Variants in CNTN6 observed in about 807,000 individuals in gnomAD.
CNTN6 encodes the protein contactin 6.
CNTN6 carries 137 observed loss-of-function variants against 122.8 expected under a neutral mutation model. The ratio of observed to expected loss-of-function variants is 1.12; its 90% CI spans 0.97 to 1.29. The LOEUF (loss-of-function observed/expected upper bound fraction) is 1.29. Ranked by LOEUF, CNTN6 falls within the 50% of genes most tolerant of loss-of-function variation. CNTN6 has a pLI of 0.00. For missense variants in CNTN6, 1,634 were observed against 1,223.4 expected (o/e 1.34, Z -5.01); for synonymous variants, 570 against 426.0 (o/e 1.34, Z -4.16).
intron 4 of CNTN6, among the ~76,000 whole-genome samples, chr3:1,270,666 G>C (rs374511336): frequency 7.2e-5 from 11 of 152,290 alleles, no homozygotes; most frequent in East Asian, 3.9e-4. Context: ...ATTCTCAAAG[G>C]GGGGAAATAG....
intron 4 of CNTN6, among the ~76,000 whole-genome samples, chr3:1,268,649 G>A (rs189186743): frequency 1.3e-5 from 2 of 151,414 alleles, no homozygotes; most frequent in Non-Finnish European, 2.9e-5. Flanking sequence ...GCAGTTCTTG[G>A]AATAAAATTC....
At chr3:1,230,684 G>A (rs758093941) in intron 4 of CNTN6, among the ~76,000 whole-genome samples, 1 of 152,174 alleles carries the variant, frequency 6.6e-6, no homozygotes, top group Non-Finnish European at 1.5e-5. Context: ...GAGGCTCACT[G>A]ATATTGGGGC....
intron 16 of CNTN6, among the ~76,000 whole-genome samples, chr3:1,374,560 G>T (rs1709587350): frequency 6.6e-6 from 1 of 151,960 alleles, no homozygotes. Flanking sequence ...CATTTAACAG[G>T]GGCACTAATT....
At chr3:1,320,231 TG>T (rs1328721879) in intron 7 of CNTN6, among the ~76,000 whole-genome samples, 1 of 151,754 alleles carries the variant, frequency 6.6e-6, no homozygotes, top group Non-Finnish European at 1.5e-5. Context: ...TCACTGTAAT[TG>T]TATGTTAATT....
chr3:1,166,119 GC>G (rs1303003722), intron 2 of CNTN6, among the ~76,000 whole-genome samples: 5 of 152,214 alleles, frequency 3.3e-5, no homozygotes, highest in Non-Finnish European at 7.3e-5. Context: ...GCATGCAGGG[GC>G]AGCTCATTGG....
chr3:1,318,995 G>T (rs947012191), intron 7 of CNTN6, among the ~76,000 whole-genome samples: 1 of 151,546 alleles, frequency 6.6e-6, no homozygotes, highest in Admixed American at 6.6e-5. Context: ...CTAAATAGGA[G>T]ACTCCATTTC....
chr3:1,308,432 GTTAT>G (rs1330864340), intron 7 of CNTN6, among the ~76,000 whole-genome samples: 1 of 151,914 alleles, frequency 6.6e-6, no homozygotes, highest in Non-Finnish European at 1.5e-5. Context: ...ATAGGGTCTT[GTTAT>G]TGAAGAATGA....
chr3:1,289,078 A>G (rs566374841), intron 5 of CNTN6, among the ~76,000 whole-genome samples: 1 of 152,344 alleles, frequency 6.6e-6, no homozygotes, highest in African/African-American at 2.4e-5. Context: ...GGTGGAGAAA[A>G]TATTTAAAAA....
chr3:1,204,509 T>A (rs1204739526), intron 2 of CNTN6, among the ~76,000 whole-genome samples: 2 of 152,148 alleles, frequency 1.3e-5, no homozygotes, highest in African/African-American at 4.8e-5. Context: ...CAAACTGAAA[T>A]ACATACATAC....
At chr3:1,116,359 G>A (rs924082093) in intron 1 of CNTN6, among the ~76,000 whole-genome samples, 7 of 152,250 alleles carry the variant, frequency 4.6e-5, no homozygotes, top group Non-Finnish European at 7.4e-5. Context: ...GTATCAAGAC[G>A]ATTTTATAGA....
At chr3:1,257,467 C>A (rs1029531848) in intron 4 of CNTN6, among the ~76,000 whole-genome samples, 1 of 152,060 alleles carries the variant, frequency 6.6e-6, no homozygotes, top group Non-Finnish European at 1.5e-5. Context: ...CTTATAATTT[C>A]ATTAATTCCT....
intron 2 of CNTN6, among the ~76,000 whole-genome samples, chr3:1,159,991 T>C (rs967225590): frequency 6.6e-6 from 1 of 151,944 alleles, no homozygotes; most frequent in Non-Finnish European, 1.5e-5. Flanking sequence ...TGGCTAATTT[T>C]TGTATTTTTA....
At chr3:1,270,497 C>T (rs1472460873) in intron 4 of CNTN6, among the ~76,000 whole-genome samples, 1 of 152,120 alleles carries the variant, frequency 6.6e-6, no homozygotes, top group Non-Finnish European at 1.5e-5. Context: ...TTTTGCTGGG[C>T]AGAGTACTGG....
Position 1,208,170 on chromosome 3 carries a change from T to C in CNTN6, c.56-12517T>C, listed in dbSNP as rs368667610. Among the ~76,000 whole-genome samples, 4 of 152,244 alleles carry C rather than the reference T, an allele frequency of 2.6e-5. No homozygotes were observed. The South Asian group carries it at 6.2e-4, about 24-fold the overall frequency. On this transcript the variant is annotated intron_variant, in intron 2 of 22. Coordinates refer to ENST00000446702, the MANE Select transcript of CNTN6 (RefSeq NM_001289080.2). ...CCCGTGAGTCATGGATCTAAACATA[T>C]CATAATCTTGCTTAAAACTGAAAAC... is the stretch of plus-strand genomic sequence containing the variant.
chr3:1,385,716 T>C lies in CNTN6; in HGVS notation c.2623T>C (p.Tyr875His). The C allele has an allele frequency of 1.2e-6, 2 of 1,614,096 alleles. No homozygotes were observed. The highest frequency in any genetic ancestry group is 1.7e-6 in the Non-Finnish European group (2 of 1,179,948). The change falls in exon 20 of 23, where the codon TAC becomes CAC. Residue 875 changes from tyrosine (Y) to histidine (H), a missense_variant. By Grantham distance (83) the Tyr-to-His change is moderately conservative. Transcript: ENST00000446702. The part of the protein sequence containing the change: ...NITGLKANTI[Y>H]FASVRAYNTA... ...CACGGGGCTGAAAGCTAATACCATCTACTTTGCTTCCGTAAGAGCTTACAA... is the reference window on the plus strand; with the variant it reads ...CACGGGGCTGAAAGCTAATACCATCCACTTTGCTTCCGTAAGAGCTTACAA...
At position 1,265,039 on chromosome 3, in the gene CNTN6, AT is replaced by A. The variant is rs1230960096; in HGVS notation, c.359-13371del. 9.5e-5 allele frequency among the ~76,000 whole-genome samples: 9 copies of A among 94,418 alleles called. No individual in the cohort carries two copies. In the East Asian group the frequency reaches 2.7e-3, roughly 29 times the overall value. 61.9% of individuals were successfully genotyped at this position (94,418 alleles called of 152,430 possible). On this transcript the variant is annotated intron_variant, in intron 4 of 22. Transcript: ENST00000446702. Reference sequence around the variant, plus strand: ...CATCCATGTTGCCACAAATGACCGAATTTCCTTTTTTTTTTTTTTTTTTTGG... The same window carrying A: ...CATCCATGTTGCCACAAATGACCGAATTCCTTTTTTTTTTTTTTTTTTTGG...
At chr3:1,209,474 T>G in intron 2 of CNTN6, among the ~76,000 whole-genome samples, 1 of 152,212 alleles carries the variant, frequency 6.6e-6, no homozygotes, top group East Asian at 1.9e-4. Flanking sequence ...AGACACAGTC[T>G]AGCTTTGCAT....
chr3:1,306,719 C>T lies in CNTN6; in HGVS notation c.761+8728C>T, dbSNP rs183185796. ...ACTATTAAGCTCACTTACTAAATTT[C>T]CTGACCCATAATAGGCATTAAATAG... is the stretch of plus-strand genomic sequence containing the variant. On this transcript the variant is annotated intron_variant, in intron 7 of 22. Transcript: ENST00000446702. 5.3e-4 allele frequency among the ~76,000 whole-genome samples: 81 copies of T among 152,254 alleles called. 1 individual carries two copies. In the East Asian group the frequency reaches 0.012, roughly 23 times the overall value.
chr3:1,361,730 A>G (rs1367038147), intron 12 of CNTN6, among the ~76,000 whole-genome samples: 1 of 152,142 alleles, frequency 6.6e-6, no homozygotes, highest in Non-Finnish European at 1.5e-5. Context: ...ACTGATGTTC[A>G]CCACAAATAT....
Sources: gnomAD v4.1 joint callset for allele counts (sites outside exome capture counted in the v4.1 genomes callset) on GRCh38, gnomAD v4.1.1 for gene constraint, MANE v1.5 for transcripts, NCBI Gene and HGNC (gene_info 2026-07-23, HGNC 2026-07-21) for gene names.